Variants in FMN1 observed in about 807,000 individuals in gnomAD.
FMN1 encodes formin-1.
Under a neutral mutation model 132.4 loss-of-function variants are expected in FMN1, and 110 were observed. The observed-to-expected ratio is 0.83, with a 90% confidence interval of 0.71 to 0.97. The LOEUF is 0.97. Ranked by LOEUF, FMN1 falls within the 50% of genes least tolerant of loss-of-function variation. The probability of loss-of-function intolerance (pLI) is 0.00; values close to 1 mark genes in which losing one functional copy is unlikely to be tolerated. For missense variants in FMN1, 1,792 were observed against 1,705.3 expected, an observed-to-expected ratio of 1.05 and a Z score of -0.90; for synonymous variants, 722 against 651.7, an observed-to-expected ratio of 1.11 and a Z score of -1.64.
chr15:33,097,058 C>A (rs1208967866), intron 4 of FMN1, among the ~76,000 whole-genome samples: 1 of 152,016 alleles, frequency 6.6e-6, no homozygotes, highest in Non-Finnish European at 1.5e-5. Flanking sequence ...CTTTGGGAGG[C>A]CGAGGTGGGT....
chr15:32,995,720 A>T (rs1290600347), intron 7 of FMN1, among the ~76,000 whole-genome samples: 1 of 152,232 alleles, frequency 6.6e-6, no homozygotes, highest in African/African-American at 2.4e-5. Context: ...TGTACATGAA[A>T]TTATAGTTTA....
At chr15:33,137,340 A>G (rs1374143649) in intron 4 of FMN1, among the ~76,000 whole-genome samples, 2 of 152,148 alleles carry the variant, frequency 1.3e-5, no homozygotes, top group East Asian at 3.9e-4. Flanking sequence ...CACCTCTTCT[A>G]CATTTGCCTC....
intron 5 of FMN1, among the ~76,000 whole-genome samples, chr15:33,081,799 T>C (rs2038471175): frequency 6.6e-6 from 1 of 152,176 alleles, no homozygotes; most frequent in African/African-American, 2.4e-5. Context: ...CTTTAGGAAG[T>C]GATCGGTAAG....
chr15:32,797,836 G>A (rs1316660133), intron 19 of FMN1, among the ~76,000 whole-genome samples: 1 of 152,154 alleles, frequency 6.6e-6, no homozygotes, highest in African/African-American at 2.4e-5. Flanking sequence ...AGGGTAGGTT[G>A]TGATGTGTCT....
chr15:33,128,263 T>C (rs1413697592), intron 4 of FMN1, among the ~76,000 whole-genome samples: 2 of 151,954 alleles, frequency 1.3e-5, no homozygotes, highest in African/African-American at 4.8e-5. Context: ...CAGAGAGCAA[T>C]AATTAGAAGC....
In FMN1 at chr15:33,048,537, TA is replaced by T. The variant is rs946387734; in HGVS notation, c.2161+16419del. Among the ~76,000 whole-genome samples, 66 of 144,346 alleles carry T rather than the reference TA, an allele frequency of 4.6e-4. No homozygotes were observed. In the East Asian group the frequency reaches 6.6e-3, roughly 14 times the overall value. 94.7% of individuals were successfully genotyped at this position (144,346 alleles called of 152,430 possible). Reference sequence around the variant, plus strand: ...CATTATATCATGTAATTGAGACTACTAAAAAAAAAGTTTTACATGCAAGGTG... The same window carrying T: ...CATTATATCATGTAATTGAGACTACTAAAAAAAAGTTTTACATGCAAGGTG... On this transcript the variant is annotated intron_variant, in intron 6 of 20. Transcript: ENST00000616417.
At chr15:33,112,294 C>CAT (rs71309467) in intron 4 of FMN1, among the ~76,000 whole-genome samples, 134,790 of 152,012 alleles carry the variant, frequency 0.89, 59,871 homozygotes, top group East Asian at 0.97. Context: ...GTGCATAAAA[C>CAT]AAAATATTTT....
rs143694191 is a variant in FMN1 at position 33,190,967 on chromosome 15, A to G, written c.-197+2942T>C. ...AGGCAGATCACAAGGTCAGGAGATCAAGACCATCCTGGCTAACACGGTGAA... is the reference window on the plus strand; with the variant it reads ...AGGCAGATCACAAGGTCAGGAGATCGAGACCATCCTGGCTAACACGGTGAA... On this transcript the variant is annotated intron_variant, in intron 2 of 20. Coordinates refer to ENST00000616417, the MANE Select transcript of FMN1 (RefSeq NM_001277313.2). Among the ~76,000 whole-genome samples the G allele has an allele frequency of 6.9e-3, 1,054 of 152,274 alleles. 10 individuals are homozygous for G. Among genetic ancestry groups the G allele is most frequent in the African/African-American group, 0.024 (986 of 41,560 alleles).
intron 6 of FMN1, among the ~76,000 whole-genome samples, chr15:33,040,301 T>C (rs549436574): frequency 6.6e-6 from 1 of 152,310 alleles, no homozygotes; most frequent in Admixed American, 6.5e-5. Flanking sequence ...TATATGCTAA[T>C]CACTCTTTCT....
At chr15:32,989,528 G>A (rs1294578250) in intron 7 of FMN1, among the ~76,000 whole-genome samples, 1 of 151,820 alleles carries the variant, frequency 6.6e-6, no homozygotes, top group Non-Finnish European at 1.5e-5. Flanking sequence ...CCCACCCTTT[G>A]TAGTCAAGTG....
Position 33,131,969 on chromosome 15 carries a change from G to A in FMN1, c.1867+21079C>T, listed in dbSNP as rs145124096. ...CCTCTCTACAAGAAGGAGAGAACAA[G>A]AACAAGATAAAGGCAGTCAAGTCCC... On this transcript the variant is annotated intron_variant, in intron 4 of 20. Coordinates refer to ENST00000616417, the MANE Select transcript of FMN1 (RefSeq NM_001277313.2). Among the ~76,000 whole-genome samples, 587 of 152,252 alleles carry A rather than the reference G, an allele frequency of 3.9e-3. 4 individuals carry two copies. Among genetic ancestry groups the A allele is most frequent in the African/African-American group, 0.013 (533 of 41,546 alleles).
At chr15:33,036,349 C>T (rs1165193127) in intron 6 of FMN1, among the ~76,000 whole-genome samples, 1 of 152,200 alleles carries the variant, frequency 6.6e-6, no homozygotes, top group African/African-American at 2.4e-5. Context: ...TACTATATGA[C>T]ATACTTCCTT....
chr15:33,039,188 G>A lies in FMN1; in HGVS notation c.2161+25769C>T, dbSNP rs180769352. 3.4e-3 allele frequency among the ~76,000 whole-genome samples: 521 copies of A among 152,314 alleles called. 3 individuals are homozygous for A. The highest frequency in any genetic ancestry group is 0.011 in the Admixed American group (162 of 15,304). ...AAAATTCAGAAAAGGTAATGGGAAA[G>A]TGAGATAGCCAAAGCCTTTATAAAG... On this transcript the variant is annotated intron_variant, in intron 6 of 20. Coordinates refer to ENST00000616417, the MANE Select transcript of FMN1 (RefSeq NM_001277313.2).
chr15:33,000,266 G>A (rs924859520), intron 7 of FMN1, among the ~76,000 whole-genome samples: 6 of 152,010 alleles, frequency 3.9e-5, no homozygotes, highest in East Asian at 1.9e-4. Flanking sequence ...CGGCTAACAC[G>A]GTGAAATCCC....
intron 4 of FMN1, among the ~76,000 whole-genome samples, chr15:33,103,732 T>G (rs1566917855): frequency 6.6e-6 from 1 of 152,130 alleles, no homozygotes. Flanking sequence ...CCAGGGTCTT[T>G]TCAGAATGTT....
At chr15:33,032,531 A>C (rs2035984993) in intron 6 of FMN1, among the ~76,000 whole-genome samples, 2 of 152,158 alleles carry the variant, frequency 1.3e-5, no homozygotes, top group African/African-American at 4.8e-5. Context: ...CTCAACTTAC[A>C]TTGGGGTTAT....
chr15:32,991,837 T>C (rs1253145921), intron 7 of FMN1, among the ~76,000 whole-genome samples: 1 of 152,150 alleles, frequency 6.6e-6, no homozygotes, highest in East Asian at 1.9e-4. Flanking sequence ...ATTATATGGA[T>C]CCAATAAGAG....
chr15:32,834,571 T>A (rs767021018), intron 17 of FMN1, among the ~76,000 whole-genome samples: 122 of 152,316 alleles, frequency 8.0e-4, no homozygotes, highest in Non-Finnish European at 2.4e-4. Flanking sequence ...CCGACTGCCA[T>A]CATCCAAGCT....
chr15:32,986,827 A>C (rs754181578), intron 7 of FMN1, among the ~76,000 whole-genome samples: 7 of 152,146 alleles, frequency 4.6e-5, no homozygotes, highest in Non-Finnish European at 8.8e-5. Context: ...CTTTTGATTG[A>C]TATTCATCTC....
Sources: gnomAD v4.1 joint callset for allele counts (sites outside exome capture counted in the v4.1 genomes callset) on GRCh38, gnomAD v4.1.1 for gene constraint, MANE v1.5 for transcripts, NCBI Gene and HGNC (gene_info 2026-07-23, HGNC 2026-07-21) for gene names.